Variants in FSHR observed in about 807,000 individuals in gnomAD.
FSHR encodes the protein follicle-stimulating hormone receptor.
In FSHR, 46 loss-of-function variants were observed where a neutral mutation model predicts 52.1. The ratio of observed to expected loss-of-function variants is 0.88; its 90% CI spans 0.70 to 1.13. FSHR has a LOEUF of 1.13. Among genes scored for constraint, FSHR ranks in the 50% most tolerant of loss-of-function variants. FSHR has a pLI of 0.00. For synonymous variants in FSHR, 399 were observed against 309.6 expected, an observed-to-expected ratio of 1.29 and a Z score of -3.03; for missense variants, 964 against 834.6, an observed-to-expected ratio of 1.16 and a Z score of -1.91.
At chr2:49,123,359 C>T (rs1005821276) in intron 1 of FSHR, among the ~76,000 whole-genome samples, 4 of 152,056 alleles carry the variant, frequency 2.6e-5, no homozygotes, top group African/African-American at 7.2e-5. Context: ...CGGTGGCTCA[C>T]GCTGGTAGTA....
At chr2:49,146,781 C>G (rs1304557046) in intron 1 of FSHR, among the ~76,000 whole-genome samples, 1 of 152,038 alleles carries the variant, frequency 6.6e-6, no homozygotes, top group Non-Finnish European at 1.5e-5. Context: ...TGAGTTTTCT[C>G]TCAATATCCT....
intron 2 of FSHR, among the ~76,000 whole-genome samples, chr2:49,027,263 T>C (rs928094773): frequency 6.6e-6 from 1 of 152,242 alleles, no homozygotes; most frequent in African/African-American, 2.4e-5. Flanking sequence ...CCAATAGTTC[T>C]TAACAGCCGT....
In FSHR at chr2:48,963,410, T is replaced by C; in HGVS notation, c.1411A>G (p.Ile471Val). ...CAGTCCAGCTGCATGGCATGCGTGA[T>C]GGTATGCCATCTTTCCAAGGTGATA... Reference protein sequence around the residue: ...TAITLERWHTITHAMQLDCKV... With the variant: ...TAITLERWHTVTHAMQLDCKV... Residue 471 changes from isoleucine to valine, a missense_variant, in exon 10 of 10, where the codon ATC becomes GTC. Ile to Val is a conservative substitution (Grantham distance 29). Transcript: ENST00000406846. 2 of 1,614,090 alleles carry C rather than the reference T, an allele frequency of 1.2e-6. No individual in the cohort carries two copies. Among genetic ancestry groups the C allele is most frequent in the Non-Finnish European group, 8.5e-7 (1 of 1,179,988 alleles).
At chr2:49,103,079 T>A (rs1019876424) in intron 1 of FSHR, among the ~76,000 whole-genome samples, 3 of 152,190 alleles carry the variant, frequency 2.0e-5, no homozygotes, top group Non-Finnish European at 4.4e-5. Flanking sequence ...GTATTGTATG[T>A]ATATCTGTTC....
chr2:49,127,902 T>TCTTC lies in FSHR; in HGVS notation c.152+26363_152+26364insGAAG, dbSNP rs1476153675. On this transcript the variant is annotated intron_variant, in intron 1 of 9. Coordinates refer to ENST00000406846, the MANE Select transcript of FSHR (RefSeq NM_000145.4). ...CTTCTTCTTCTTCTTCTTCTTCTTT[T>TCTTC]TTTTTTTTGAGACGGAGTCTTACTC... is the stretch of plus-strand genomic sequence containing the variant. Among the ~76,000 whole-genome samples, 106 of 132,682 alleles carry TCTTC rather than the reference T, an allele frequency of 8.0e-4. 11 individuals are homozygous for TCTTC. The highest frequency in any genetic ancestry group is 3.2e-3 in the African/African-American group (103 of 32,554). 87.0% of individuals were successfully genotyped at this position (132,682 alleles called of 152,430 possible). A position where few individuals can be genotyped will look rare whatever the true frequency, so the allele number is the denominator to read the frequency against.
chr2:49,080,513 A>G (rs531289066), intron 1 of FSHR, among the ~76,000 whole-genome samples: 70 of 152,344 alleles, frequency 4.6e-4, no homozygotes, highest in South Asian at 3.7e-3. Context: ...AAAATGAAAA[A>G]AGGAGTAAAC....
chr2:49,090,639 A>T (rs1203272769), intron 1 of FSHR, among the ~76,000 whole-genome samples: 1 of 152,208 alleles, frequency 6.6e-6, no homozygotes, highest in Non-Finnish European at 1.5e-5. Context: ...TATAGTAGTG[A>T]AATTACTGGG....
chr2:49,150,383 C>G (rs1045978925), intron 1 of FSHR, among the ~76,000 whole-genome samples: 4 of 152,052 alleles, frequency 2.6e-5, no homozygotes, highest in African/African-American at 9.7e-5. Flanking sequence ...AGTCTCATAT[C>G]TCTTGACTGA....
intron 8 of FSHR, among the ~76,000 whole-genome samples, chr2:48,972,543 T>C (rs1674789064): frequency 6.6e-6 from 1 of 152,234 alleles, no homozygotes; most frequent in African/African-American, 2.4e-5. Context: ...GGTTTCTCTC[T>C]TTTGGCAACG....
intron 1 of FSHR, among the ~76,000 whole-genome samples, chr2:49,070,852 C>A (rs555338397): frequency 2.0e-5 from 3 of 152,054 alleles, no homozygotes; most frequent in African/African-American, 7.2e-5. Flanking sequence ...TAAAACATTA[C>A]AAATATTATT....
intron 1 of FSHR, among the ~76,000 whole-genome samples, chr2:49,112,959 A>G (rs1019173682): frequency 6.6e-6 from 1 of 152,140 alleles, no homozygotes; most frequent in Non-Finnish European, 1.5e-5. Flanking sequence ...GAGGGAAAAG[A>G]AAAGCCTCCA....
chr2:49,035,804 G>T (rs1170978633), intron 2 of FSHR, among the ~76,000 whole-genome samples: 1 of 152,320 alleles, frequency 6.6e-6, no homozygotes, highest in East Asian at 1.9e-4. Context: ...AAGGACTACA[G>T]TCCTTAAAGC....
intron 1 of FSHR, among the ~76,000 whole-genome samples, chr2:49,076,693 G>A (rs1236073368): frequency 2.0e-5 from 3 of 152,168 alleles, no homozygotes; most frequent in Non-Finnish European, 4.4e-5. Flanking sequence ...TTCTGCCTAT[G>A]AGCCTGTAGA....
chr2:49,140,625 A>G (rs1408415002), intron 1 of FSHR, among the ~76,000 whole-genome samples: 1 of 151,944 alleles, frequency 6.6e-6, no homozygotes, highest in Non-Finnish European at 1.5e-5. Context: ...ACTTGAACCC[A>G]AGAGGCAGAG....
At chr2:49,127,850 CTT>C (rs1672102821) in intron 1 of FSHR, among the ~76,000 whole-genome samples, 1 of 28,750 alleles carries the variant, frequency 3.5e-5, no homozygotes, top group African/African-American at 3.1e-4. Flanking sequence ...TCTTCTTCTT[CTT>C]CTTCTTCTTC....
chr2:49,087,403 G>A (rs562034587), intron 1 of FSHR, among the ~76,000 whole-genome samples: 1 of 152,240 alleles, frequency 6.6e-6, no homozygotes, highest in East Asian at 1.9e-4. Flanking sequence ...GATATTGAAA[G>A]AGCCAGAGAG....
chr2:48,962,972 TG>T lies in FSHR; in HGVS notation c.1848del (p.Ile617SerfsTer25). The T allele has an allele frequency of 6.2e-7, 1 of 1,614,042 alleles. No individual in the cohort carries two copies. The highest frequency in any genetic ancestry group is 8.5e-7 in the Non-Finnish European group (1 of 1,179,996). On this transcript the variant is annotated frameshift_variant, in exon 10 of 10. Transcript: ENST00000406846. LOFTEE classifies it high-confidence loss of function. ...AGGAAGGGGTTGGCACAGGAGTTGA[TG>T]GGGTGAAACAGAACCAGCAGAATCT... Reference protein sequence around the residue: ...KAKILLVLFHPINSCANPFLY... With the variant: ...KAKILLVLFHXINSCANPFLY...
intron 8 of FSHR, among the ~76,000 whole-genome samples, chr2:48,976,762 A>T (rs1675008972): frequency 6.6e-6 from 1 of 151,978 alleles, no homozygotes. Context: ...TTTTTAGTTT[A>T]TTTGCATAGA....
rs189866568 is a variant in FSHR, at chr2:49,011,827, G to A, written c.374+5662C>T. ...ACTCCCTACCCTCTGTCCCCTTGCC[G>A]TGCTACCTCCAAAAGCAGTTCAGCT... On this transcript the variant is annotated intron_variant, in intron 4 of 9. Coordinates refer to ENST00000406846, the MANE Select transcript of FSHR (RefSeq NM_000145.4). Among the ~76,000 whole-genome samples the A allele has an allele frequency of 3.9e-5, 6 of 152,080 alleles. No individual in the cohort carries two copies. The East Asian group carries it at 5.8e-4, about 15-fold the overall frequency.
Sources: allele counts gnomAD v4.1 joint callset (sites outside exome capture counted in the v4.1 genomes callset), GRCh38; gene constraint gnomAD v4.1.1; transcripts MANE v1.5; gene names NCBI Gene and HGNC (gene_info 2026-07-23, HGNC 2026-07-21).